MEFV: variants seen among roughly 807,000 people sequenced by gnomAD.
The protein encoded by MEFV is pyrin.
A neutral mutation model predicts 62.5 loss-of-function variants in MEFV; 60 were observed. The observed-to-expected ratio is 0.96, with a 90% CI of 0.78 to 1.19. The LOEUF (loss-of-function observed/expected upper bound fraction) is 1.19. MEFV is among the 50% of genes most tolerant of loss of function. The probability of loss-of-function intolerance (pLI) is 0.00; values close to 1 mark genes in which losing one functional copy is unlikely to be tolerated. For missense variants in MEFV, 1,169 were observed against 1,004.5 expected (o/e 1.16, Z -2.21); for synonymous variants, 500 against 415.2 (o/e 1.20, Z -2.48).
chr16:3,248,804 C>T (rs1958984182), intron 4 of MEFV, 105 bp downstream of exon 4: 1 of 1,600,374 alleles, frequency 6.2e-7, no homozygotes, highest in Non-Finnish European at 8.5e-7. Context: ...AGGAGGTGGC[C>T]ATCCCTGCTG....
At position 3,250,101 on chromosome 16, in the gene MEFV, C is replaced by G. The variant is rs146541158; in HGVS notation, c.911-321G>C. On this transcript the variant is annotated intron_variant, in intron 2 of 9. Transcript: ENST00000219596. ...TAGCAGGTGATGCCAAGGAAAGAGA[C>G]ATTCTGACCAGTGTTCCTTTGCCAC... is the stretch of plus-strand genomic sequence containing the variant. Among the ~76,000 whole-genome samples, 930 of 152,326 alleles carry G rather than the reference C, an allele frequency of 6.1e-3. 6 individuals are homozygous for G. The highest frequency in any genetic ancestry group is 0.016 in the South Asian group (79 of 4,830).
In MEFV at chr16:3,254,202, G is replaced by A. The variant is rs104895132; in HGVS notation, c.866C>T (p.Ala289Val). Reference sequence around the variant, plus strand: ...ATTTCCAGGGCCTTCCTTCAGGTCCGCAGATGCCCCTCCATCCGGAGTGGG... The same window carrying A: ...ATTTCCAGGGCCTTCCTTCAGGTCCACAGATGCCCCTCCATCCGGAGTGGG... ...ARPTPDGGASADLKEGPGNPE... is the reference protein window; with the variant it reads ...ARPTPDGGASVDLKEGPGNPE... Residue 289 changes from alanine (A) to valine (V), a missense_variant, in exon 2 of 10, where the codon GCG becomes GTG. Coordinates refer to ENST00000219596, the MANE Select transcript of MEFV (RefSeq NM_000243.3). The A allele has an allele frequency of 8.9e-5, 144 of 1,614,118 alleles. No homozygotes were observed. The highest frequency in any genetic ancestry group is 4.9e-4 in the Middle Eastern group (3 of 6,084).
chr16:3,245,124 TAAAAATACAA>T (rs1484735423), intron 6 of MEFV, among the ~76,000 whole-genome samples: 1 of 151,790 alleles, frequency 6.6e-6, no homozygotes, highest in Non-Finnish European at 1.5e-5. Flanking sequence ...CTGTCTCTAT[TAAAAATACAA>T]AAAAGTAGCC....
At chr16:3,252,052 A>G (rs1406884482) in intron 2 of MEFV, 1 of 43,980 alleles carries the variant, frequency 2.3e-5, no homozygotes, top group South Asian at 1.8e-4. Flanking sequence ...CCCCATATCT[A>G]AAAAAAAAAA....
At chr16:3,254,073 G>A (rs1358698233) in intron 2 of MEFV, 85 bp downstream of exon 2, 5 of 1,479,352 alleles carry the variant, frequency 3.4e-6, no homozygotes, top group East Asian at 2.3e-5. Context: ...CTCCCAAAGC[G>A]CTGGGATTAC....
At chr16:3,251,391 G>A (rs139722119) in intron 2 of MEFV, among the ~76,000 whole-genome samples, 145 of 152,260 alleles carry the variant, frequency 9.5e-4, no homozygotes, top group African/African-American at 3.3e-3. Flanking sequence ...TTGCTGCCTG[G>A]CATGAGGACG....
Position 3,247,324 on chromosome 16 carries a change from A to C in MEFV, c.1357-78T>G, listed in dbSNP as rs1366465164. ...GATGTCCAGGAACCCCCAGAAGCCC[A>C]CCTCCTGGAGGTGGATAAGAGGTGG... On this transcript the variant is annotated intron_variant, in intron 4 of 9. Coordinates refer to ENST00000219596, the MANE Select transcript of MEFV (RefSeq NM_000243.3). 5 of 1,318,524 alleles carry C rather than the reference A, an allele frequency of 3.8e-6. No homozygotes were observed. In the Admixed American group the frequency reaches 8.6e-5, roughly 23 times the overall value. 81.7% of individuals were successfully genotyped at this position (1,318,524 alleles called of 1,614,324 possible).
chr16:3,249,962 G>C (rs1567235036), intron 2 of MEFV, among the ~76,000 whole-genome samples, 182 bp from the exon 3 acceptor site: 1 of 152,230 alleles, frequency 6.6e-6, no homozygotes, highest in South Asian at 2.1e-4. Flanking sequence ...CAGGCCACTG[G>C]GCCTGAGAGC....
rs943533562 is a variant in MEFV at position 3,256,326 on chromosome 16, T to C, written c.262A>G (p.Arg88Gly). Residue 88 changes from arginine (R) to glycine (G), a missense_variant, in exon 1 of 10, where the codon AGG becomes GGG. Physicochemically the swap from Arg to Gly is moderately radical, Grantham distance 125 (BLOSUM62 -2). Transcript: ENST00000219596. ...NQRLLAEELH[R>G]AAIQEYSTQE... ...GCCCGCTTACCCTGAATGGCTGCCC[T>C]GTGGAGCTCCTCGGCCAGCAGGCGC... The C allele has an allele frequency of 2.5e-6, 4 of 1,613,754 alleles. No individual in the cohort carries two copies. In the African/African-American group the frequency reaches 4.0e-5, roughly 16 times the overall value.
chr16:3,248,193 A>C (rs1958973973), intron 4 of MEFV, among the ~76,000 whole-genome samples: 1 of 151,784 alleles, frequency 6.6e-6, no homozygotes, highest in Non-Finnish European at 1.5e-5. Flanking sequence ...TCGGAGGTGG[A>C]GGTTGGAGCA....
intron 6 of MEFV, 98 bp downstream of exon 6, chr16:3,246,427 G>A (rs1323017381): frequency 7.1e-7 from 1 of 1,401,424 alleles, no homozygotes; most frequent in Non-Finnish European, 1.0e-6. Context: ...ACAGACCCCG[G>A]GGTTGGGAAC....
At position 3,254,257 on chromosome 16, in the gene MEFV, G is replaced by C. The variant is rs1959079406; in HGVS notation, c.811C>G (p.Leu271Val). 1 of 1,614,270 alleles carries C rather than the reference G, an allele frequency of 6.2e-7. No homozygotes were observed. The highest frequency in any genetic ancestry group is 8.5e-7 in the Non-Finnish European group (1 of 1,180,044). Residue 271 changes from leucine (L) to valine (V), a missense_variant, in exon 2 of 10, where the codon CTG becomes GTG. Leu to Val is a conservative substitution (Grantham distance 32). Coordinates refer to ENST00000219596, the MANE Select transcript of MEFV (RefSeq NM_000243.3). ...GCCCGGGGTTCTGTTGCCGAGTCCA[G>C]ATTCGCAGCTGTCTTTTCCTCTAGA... ...LTLEEKTAAN[L>V]DSATEPRARP...
At chr16:3,244,136 C>T (rs771511449) in intron 8 of MEFV, 118 bp downstream of exon 8, 2 of 1,560,678 alleles carry the variant, frequency 1.3e-6, no homozygotes, top group Non-Finnish European at 1.7e-6. Context: ...TTTCTCCTAC[C>T]TTTGCTCCAG....
intron 4 of MEFV, 168 bp downstream of exon 4, chr16:3,248,741 C>T (rs1454006840): frequency 4.1e-6 from 4 of 985,238 alleles, no homozygotes; most frequent in East Asian, 2.3e-4. Flanking sequence ...GGGTGGTCTC[C>T]CTCTACAGGG....
Position 3,243,084 on chromosome 16 carries a change from G to A in MEFV, c.*57C>T. The A allele has an allele frequency of 2.5e-6, 4 of 1,578,230 alleles. No individual in the cohort carries two copies. The highest frequency in any genetic ancestry group is 3.5e-6 in the Non-Finnish European group (4 of 1,149,702). ...ACCTAGTCGGCATTCCGTGACTATT[G>A]AGTGTGAATGCAAGATACAAGGCCA... is the stretch of plus-strand genomic sequence containing the variant. On this transcript the variant is annotated 3_prime_UTR_variant, in exon 10 of 10. Transcript: ENST00000219596.
rs370081377 is a variant in MEFV at position 3,243,100 on chromosome 16, T to A, written c.*41A>T. 19 of 1,605,554 alleles carry A rather than the reference T, an allele frequency of 1.2e-5. No homozygotes were observed. The highest frequency in any genetic ancestry group is 1.6e-5 in the Non-Finnish European group (19 of 1,174,064). On this transcript the variant is annotated 3_prime_UTR_variant, in exon 10 of 10. Transcript: ENST00000219596. ...GTGACTATTGAGTGTGAATGCAAGA[T>A]ACAAGGCCAGAAGCAGGAAGAGAGA...
rs761105176 is a variant in MEFV, at chr16:3,249,726, G to A, written c.965C>T (p.Pro322Leu). The part of the protein sequence containing the change: ...SPRCHAQEGD[P>L]VDGTCVRDSC... ...ATCACGCACACAGGTACCGTCAACT[G>A]GGTCTCCTTCCTGGGCGTGGCAGCG... The change falls in exon 3 of 10, where the codon CCA becomes CTA. Residue 322 changes from proline to leucine, a missense_variant. Transcript: ENST00000219596. 2 of 1,614,064 alleles carry A rather than the reference G, an allele frequency of 1.2e-6. No individual in the cohort carries two copies. Among genetic ancestry groups the A allele is most frequent in the Non-Finnish European group, 1.7e-6 (2 of 1,179,924 alleles).
In MEFV at chr16:3,244,467, A is replaced by G. The variant is rs374248727; in HGVS notation, c.1726+6T>C. ...GCACCTCCAATCTTCTCCCAAGCCC[A>G]TCTACCTGAGAAGTACTTTGTGCTC... On this transcript the variant is annotated splice_donor_region_variant and intron_variant, in intron 7 of 9. Coordinates refer to ENST00000219596, the MANE Select transcript of MEFV (RefSeq NM_000243.3). The G allele has an allele frequency of 3.7e-6, 6 of 1,612,322 alleles. No individual in the cohort carries two copies. The highest frequency in any genetic ancestry group is 5.1e-6 in the Non-Finnish European group (6 of 1,178,530).
At chr16:3,244,655 G>A (rs1958912377) in intron 6 of MEFV, 67 bp from the exon 7 acceptor site, 1 of 1,159,300 alleles carries the variant, frequency 8.6e-7, no homozygotes, top group Admixed American at 1.7e-5. Flanking sequence ...CCCGTGAGCT[G>A]GAAATGAACT....
Sources: gnomAD v4.1 joint callset for allele counts (sites outside exome capture counted in the v4.1 genomes callset) on GRCh38, gnomAD v4.1.1 for gene constraint, MANE v1.5 for transcripts, NCBI Gene and HGNC (gene_info 2026-07-23, HGNC 2026-07-21) for gene names.